ADAM7: variants seen among roughly 807,000 people sequenced by gnomAD.
The protein encoded by ADAM7 is ADAM metallopeptidase domain 7, also known as disintegrin and metalloproteinase domain-containing protein 7.
In ADAM7, 97 loss-of-function variants were observed where a neutral mutation model predicts 102.9. The observed-to-expected ratio is 0.94, with a 90% CI of 0.80 to 1.12. The LOEUF is 1.12. ADAM7 is among the 50% of genes most tolerant of loss of function. ADAM7 has a pLI of 0.00. For missense variants in ADAM7, 991 were observed against 908.7 expected (o/e 1.09, Z -1.16); for synonymous variants, 334 against 304.4 (o/e 1.10, Z -1.01).
At chr8:24,453,400 T>A (rs1818877147) in intron 3 of ADAM7, among the ~76,000 whole-genome samples, 1 of 152,188 alleles carries the variant, frequency 6.6e-6, no homozygotes, top group Non-Finnish European at 1.5e-5. Flanking sequence ...TTTCATTCAT[T>A]TCATCTTCCA....
At chr8:24,486,160 A>G (rs1283441643) in intron 10 of ADAM7, among the ~76,000 whole-genome samples, 2 of 152,188 alleles carry the variant, frequency 1.3e-5, no homozygotes, top group Non-Finnish European at 2.9e-5. Flanking sequence ...ATGCTATTAT[A>G]ATCACTCCAG....
intron 7 of ADAM7, 31 bp downstream of exon 7, chr8:24,468,851 A>G: frequency 6.3e-7 from 1 of 1,583,758 alleles, no homozygotes; most frequent in Non-Finnish European, 8.7e-7. Flanking sequence ...TTCTCTCTTT[A>G]TTCTTCCTTT....
chr8:24,462,320 A>G (rs1444356182), intron 3 of ADAM7, among the ~76,000 whole-genome samples: 1 of 152,010 alleles, frequency 6.6e-6, no homozygotes, highest in African/African-American at 2.4e-5. Context: ...CCGCTCTCTC[A>G]TTTTTTTCCA....
intron 21 of ADAM7, 52 bp from the exon 22 acceptor site, chr8:24,508,494 T>C (rs1162765137): frequency 3.8e-6 from 6 of 1,567,178 alleles, no homozygotes; most frequent in Non-Finnish European, 4.4e-6. Flanking sequence ...AAATACATGG[T>C]TCACAGATTT....
At chr8:24,447,833 C>G (rs1428383333) in intron 3 of ADAM7, among the ~76,000 whole-genome samples, 1 of 151,728 alleles carries the variant, frequency 6.6e-6, no homozygotes, top group Admixed American at 6.6e-5. Flanking sequence ...TCTCAGAGCC[C>G]CAGATATTAA....
intron 19 of ADAM7, 34 bp from the exon 20 acceptor site, chr8:24,501,443 T>G (rs754980415): frequency 1.2e-4 from 172 of 1,493,810 alleles, no homozygotes; most frequent in Non-Finnish European, 1.5e-4. Flanking sequence ...GCCCTATATC[T>G]AATAAATTAG....
At chr8:24,499,161 C>A in intron 16 of ADAM7, 75 bp from the exon 17 acceptor site, 1 of 1,139,746 alleles carries the variant, frequency 8.8e-7, no homozygotes, top group Non-Finnish European at 1.2e-6. Flanking sequence ...GTGCACTTCA[C>A]ATGCATTACA....
At chr8:24,492,288 A>G in intron 14 of ADAM7, 190 bp downstream of exon 14, 1 of 681,966 alleles carries the variant, frequency 1.5e-6, no homozygotes, top group Non-Finnish European at 2.4e-6. Flanking sequence ...CTATCTCAGT[A>G]TATGAGCTAT....
intron 8 of ADAM7, among the ~76,000 whole-genome samples, chr8:24,477,309 A>T (rs932017980): frequency 2.0e-5 from 3 of 152,308 alleles, no homozygotes; most frequent in Non-Finnish European, 4.4e-5. Flanking sequence ...CTCACACTTC[A>T]GTGGAAATTA....
intron 20 of ADAM7, among the ~76,000 whole-genome samples, chr8:24,507,208 A>AG (rs1820980462): frequency 6.6e-6 from 1 of 152,154 alleles, no homozygotes; most frequent in Non-Finnish European, 1.5e-5. Flanking sequence ...AATATATTCT[A>AG]GGGAAGATTC....
chr8:24,468,955 C>A, intron 7 of ADAM7, 135 bp downstream of exon 7: 1 of 761,752 alleles, frequency 1.3e-6, no homozygotes, highest in Non-Finnish European at 2.0e-6. Flanking sequence ...CTTCCCAAAA[C>A]AGACATACAT....
chr8:24,464,490 C>T (rs1819358466), intron 4 of ADAM7, among the ~76,000 whole-genome samples: 1 of 152,102 alleles, frequency 6.6e-6, no homozygotes, highest in Non-Finnish European at 1.5e-5. Flanking sequence ...ATTTTTACAT[C>T]CCCATTGCTT....
chr8:24,453,204 C>T (rs1356289811), intron 3 of ADAM7, among the ~76,000 whole-genome samples: 1 of 151,112 alleles, frequency 6.6e-6, no homozygotes, highest in African/African-American at 2.4e-5. Context: ...GCCTGCCTTG[C>T]TAGATTGGGG....
chr8:24,482,748 CAATA>C (rs1430094366), intron 9 of ADAM7, among the ~76,000 whole-genome samples: 1 of 151,908 alleles, frequency 6.6e-6, no homozygotes, highest in Non-Finnish European at 1.5e-5. Flanking sequence ...GACCCTGTCT[CAATA>C]AATAAATAAA....
At chr8:24,495,359 A>T (rs967236037) in intron 16 of ADAM7, among the ~76,000 whole-genome samples, 40 of 152,180 alleles carry the variant, frequency 2.6e-4, no homozygotes, top group Non-Finnish European at 2.8e-4. Context: ...CTTTACAAAA[A>T]TGCTTCAGTG....
chr8:24,487,366 G>A (rs1335809971), intron 11 of ADAM7, 49 bp downstream of exon 11: 1 of 1,586,996 alleles, frequency 6.3e-7, no homozygotes, highest in Non-Finnish European at 8.6e-7. Flanking sequence ...TCAGAAGTGG[G>A]CTGGGCATGG....
At chr8:24,462,477 A>G (rs1819277434) in intron 3 of ADAM7, among the ~76,000 whole-genome samples, 1 of 152,150 alleles carries the variant, frequency 6.6e-6, no homozygotes, top group Non-Finnish European at 1.5e-5. Flanking sequence ...AATGCTGTAA[A>G]ACTGGAAACT....
intron 2 of ADAM7, among the ~76,000 whole-genome samples, chr8:24,443,922 A>C (rs1669302725): frequency 6.7e-6 from 1 of 149,612 alleles, no homozygotes; most frequent in Admixed American, 6.8e-5. Context: ...CAACAGAGCA[A>C]GACTCTCTCA....
chr8:24,492,273 A>G (rs939893104), intron 14 of ADAM7, 175 bp downstream of exon 14: 1 of 714,100 alleles, frequency 1.4e-6, no homozygotes, highest in Non-Finnish European at 2.3e-6. Flanking sequence ...TACGTCTAAT[A>G]TTAACTATCT....
Sources: gnomAD v4.1 joint callset for allele counts (sites outside exome capture counted in the v4.1 genomes callset) on GRCh38, gnomAD v4.1.1 for gene constraint, MANE v1.5 for transcripts, NCBI Gene and HGNC (gene_info 2026-07-23, HGNC 2026-07-21) for gene names.